Variants in ACTR3C observed in about 807,000 individuals in gnomAD.
ACTR3C encodes the protein actin-related protein 3C.
In ACTR3C, 18 loss-of-function variants were observed where a neutral mutation model predicts 26.3. That is an observed-to-expected ratio of 0.68 (90% CI 0.47 to 1.01). The LOEUF is 1.01. Among genes scored for constraint, ACTR3C ranks in the 50% least tolerant of loss-of-function variants. The probability of loss-of-function intolerance (pLI) is 0.00; values close to 1 mark genes in which losing one functional copy is unlikely to be tolerated. For synonymous variants in ACTR3C, 55 were observed against 94.5 expected (o/e 0.58, Z 2.42); for missense variants, 184 against 250.7 (o/e 0.73, Z 1.80).
At chr7:150,028,552 C>T in the ACTR3C span, among the ~76,000 whole-genome samples, 9 of 152,426 alleles carry the variant, frequency 5.9e-5, no homozygotes, top group East Asian at 1.3e-3. Flanking sequence ...ACCTAAGACC[C>T]GCCCGGCGCC....
At chr7:150,242,405 G>A (rs541496418), downstream of ACTR3C, among the ~76,000 whole-genome samples, 2 of 150,772 alleles carry the variant, frequency 1.3e-5, no homozygotes, top group African/African-American at 5.0e-5. Flanking sequence ...CTGCAAAGGG[G>A]CACAGGGAGC....
the ACTR3C span, among the ~76,000 whole-genome samples, chr7:149,913,612 G>A: frequency 4.7e-3 from 718 of 151,894 alleles, 1 homozygote; most frequent in South Asian, 0.011. Flanking sequence ...GGGGCCGTGC[G>A]CGATTCACTA....
At chr7:150,005,217 A>G in the ACTR3C span, 3 of 152,240 alleles carry the variant, frequency 2.0e-5, no homozygotes, top group Non-Finnish European at 4.4e-5. Context: ...ATAAACAGAT[A>G]CAATACACAG....
chr7:150,307,038 C>T (rs1407513316), intron 1 of ACTR3C, among the ~76,000 whole-genome samples: 1 of 152,152 alleles, frequency 6.6e-6, no homozygotes, highest in Admixed American at 6.5e-5. Flanking sequence ...ATTTCTAACC[C>T]TTATTATTGT....
chr7:150,161,202 T>TTTTATATATATATATA, the ACTR3C span, among the ~76,000 whole-genome samples: 2 of 103,006 alleles, frequency 1.9e-5, no homozygotes, highest in African/African-American at 4.6e-5. Flanking sequence ...AGGAAAGTAT[T>TTTTATATATATATATA]TATATATATA....
rs182110454 is a variant in ACTR3C, at chr7:150,280,897, T to C, written c.564+3856A>G. On this transcript the variant is annotated intron_variant, in intron 6 of 7. Transcript: ENST00000683684. The stretch of plus-strand genomic sequence containing the variant: ...ATACCTATTAAGTACTCATAAAAAT[T>C]AAAAATTATATTTCAATAAAGCTAG... Among the ~76,000 whole-genome samples, 1,333 of 152,064 alleles carry C rather than the reference T, an allele frequency of 8.8e-3. 18 individuals carry two copies. Among genetic ancestry groups the C allele is most frequent in the African/African-American group, 0.031 (1,267 of 41,448 alleles).
At chr7:150,138,849 G>A in the ACTR3C span, among the ~76,000 whole-genome samples, 4 of 152,306 alleles carry the variant, frequency 2.6e-5, no homozygotes, top group African/African-American at 4.8e-5. Flanking sequence ...GTCAGCTGCA[G>A]CATCAGATCC....
the ACTR3C span, among the ~76,000 whole-genome samples, chr7:150,158,258 T>C: frequency 6.6e-6 from 1 of 152,006 alleles, no homozygotes. Context: ...CAAATTGTTA[T>C]AGTCATTATG....
the ACTR3C span, among the ~76,000 whole-genome samples, chr7:150,228,440 A>G: frequency 6.6e-6 from 1 of 152,262 alleles, no homozygotes; most frequent in African/African-American, 2.4e-5. Context: ...GGACTTTCCC[A>G]ATATAATTAC....
the ACTR3C span, among the ~76,000 whole-genome samples, chr7:150,141,262 T>C: frequency 2.6e-5 from 4 of 152,232 alleles, no homozygotes; most frequent in African/African-American, 9.6e-5. Flanking sequence ...TAATGTCTCC[T>C]TTATCATCTC....
At chr7:150,322,280 T>C (rs1189933088) in intron 1 of ACTR3C, among the ~76,000 whole-genome samples, 10 of 152,320 alleles carry the variant, frequency 6.6e-5, no homozygotes, top group Admixed American at 6.5e-5. Flanking sequence ...GCTGCATTCA[T>C]AGGAGGTTAG....
the ACTR3C span, among the ~76,000 whole-genome samples, chr7:149,945,315 G>A: frequency 1.5e-5 from 2 of 135,468 alleles, no homozygotes; most frequent in East Asian, 4.1e-4. Context: ...GCCTCCATCA[G>A]TGACAACCTC....
the ACTR3C span, among the ~76,000 whole-genome samples, chr7:150,112,520 C>A: frequency 6.6e-6 from 1 of 152,164 alleles, no homozygotes; most frequent in Non-Finnish European, 1.5e-5. Context: ...GCATTCAGAC[C>A]CCCGGAGCTC....
intron 1 of ACTR3C, among the ~76,000 whole-genome samples, chr7:150,312,734 CT>C (rs1249713992): frequency 6.6e-6 from 1 of 152,170 alleles, no homozygotes; most frequent in African/African-American, 2.4e-5. Flanking sequence ...AACATCGCCC[CT>C]ACCCCCATAA....
At chr7:149,889,693 CA>C in the ACTR3C span, among the ~76,000 whole-genome samples, 1 of 151,972 alleles carries the variant, frequency 6.6e-6, no homozygotes, top group African/African-American at 2.4e-5. Context: ...CCCATCTCCA[CA>C]AAAAATTTTT....
chr7:150,256,582 C>T (rs542999582), intron 6 of ACTR3C, among the ~76,000 whole-genome samples: 30 of 152,192 alleles, frequency 2.0e-4, no homozygotes, highest in Admixed American at 3.9e-4. Flanking sequence ...AAAGATGGGA[C>T]CAATAGACAC....
chr7:150,240,478 C>T (rs1470641606), downstream of ACTR3C, among the ~76,000 whole-genome samples: 1 of 152,112 alleles, frequency 6.6e-6, no homozygotes, highest in African/African-American at 2.4e-5. Context: ...GGGCTTAAAA[C>T]CTAGATGACA....
rs535627536 is a variant in ACTR3C at position 150,267,446 on chromosome 7, G to A, written c.564+17307C>T. 3.9e-5 allele frequency among the ~76,000 whole-genome samples: 6 copies of A among 152,312 alleles called. No homozygotes were observed. In the South Asian group the frequency reaches 8.3e-4, roughly 21 times the overall value. ...TCTCTTTGTCCAGCATGTCCACACC[G>A]TATACGCCACCTGCCCTGAGTCACT... On this transcript the variant is annotated intron_variant, in intron 6 of 7. Coordinates refer to ENST00000683684, the MANE Select transcript of ACTR3C (RefSeq NM_001164458.2).
intron 6 of ACTR3C, among the ~76,000 whole-genome samples, chr7:150,271,522 T>C (rs535573527): frequency 6.6e-6 from 1 of 150,508 alleles, no homozygotes; most frequent in East Asian, 1.9e-4. Flanking sequence ...AACTCATCCT[T>C]TTTTATGGCT....
Sources: gnomAD v4.1 joint callset for allele counts (sites outside exome capture counted in the v4.1 genomes callset) on GRCh38, gnomAD v4.1.1 for gene constraint, MANE v1.5 for transcripts, NCBI Gene and HGNC (gene_info 2026-07-23, HGNC 2026-07-21) for gene names.